Variants in COG5 observed in about 807,000 individuals in gnomAD.
COG5 encodes component of oligomeric golgi complex 5, also known as conserved oligomeric Golgi complex subunit 5.
COG5 carries 86 observed loss-of-function variants against 110.4 expected under a neutral mutation model. The ratio of observed to expected loss-of-function variants is 0.78; its 90% CI spans 0.65 to 0.93. COG5 has a LOEUF of 0.93. Ranked by LOEUF, COG5 falls within the 40% of genes least tolerant of loss-of-function variation. The probability of loss-of-function intolerance (pLI) is 0.00; values close to 1 mark genes in which losing one functional copy is unlikely to be tolerated. For synonymous variants in COG5, 360 were observed against 334.6 expected (o/e 1.08, Z -0.83); for missense variants, 1,077 against 987.0 (o/e 1.09, Z -1.22).
intron 10 of COG5, among the ~76,000 whole-genome samples, chr7:107,329,723 G>A (rs996495399): frequency 8.0e-5 from 12 of 149,242 alleles, no homozygotes; most frequent in South Asian, 2.1e-4. Context: ...GACCCCCCCC[G>A]TTTCTACACA....
intron 19 of COG5, among the ~76,000 whole-genome samples, chr7:107,230,172 C>T (rs571861055): frequency 6.8e-4 from 104 of 152,130 alleles, no homozygotes; most frequent in African/African-American, 2.5e-3. Flanking sequence ...TCTTTTAATA[C>T]TTCATTCAAT....
intron 6 of COG5, among the ~76,000 whole-genome samples, chr7:107,486,509 C>G (rs1328359114): frequency 6.6e-6 from 1 of 151,902 alleles, no homozygotes; most frequent in Non-Finnish European, 1.5e-5. Flanking sequence ...CTCAAAGACA[C>G]AGTCTTGGAA....
chr7:107,506,448 G>C (rs1435265830), intron 6 of COG5, among the ~76,000 whole-genome samples: 1 of 152,166 alleles, frequency 6.6e-6, no homozygotes, highest in Non-Finnish European at 1.5e-5. Flanking sequence ...TCCACAAGTG[G>C]GGCAAGCAGC....
At chr7:107,239,997 T>G (rs183005415) in intron 17 of COG5, among the ~76,000 whole-genome samples, 3 of 152,352 alleles carry the variant, frequency 2.0e-5, no homozygotes, top group Non-Finnish European at 4.4e-5. Context: ...TCTATCACTT[T>G]AATAATGTAG....
intron 1 of COG5, chr7:107,563,437 A>C: frequency 2.7e-6 from 1 of 371,322 alleles, no homozygotes; most frequent in Non-Finnish European, 5.2e-6. Context: ...ACACTTTTGA[A>C]GAGCTCGAAC....
chr7:107,525,661 T>C (rs1191302217), intron 6 of COG5, among the ~76,000 whole-genome samples: 1 of 152,060 alleles, frequency 6.6e-6, no homozygotes, highest in Admixed American at 6.6e-5. Context: ...CGAGTGATCC[T>C]CCCATCTCAG....
intron 5 of COG5, among the ~76,000 whole-genome samples, chr7:107,532,528 CA>C (rs1203623624): frequency 6.6e-6 from 1 of 152,038 alleles, no homozygotes; most frequent in Non-Finnish European, 1.5e-5. Context: ...TACATATGCA[CA>C]AATATATATA....
At chr7:107,468,192 T>C (rs1210461106) in intron 6 of COG5, among the ~76,000 whole-genome samples, 4 of 152,182 alleles carry the variant, frequency 2.6e-5, no homozygotes, top group African/African-American at 7.2e-5. Context: ...GTTTTAACAT[T>C]GACTCTGCTG....
At chr7:107,493,577 C>T (rs1483479147) in intron 6 of COG5, among the ~76,000 whole-genome samples, 1 of 152,162 alleles carries the variant, frequency 6.6e-6, no homozygotes, top group Non-Finnish European at 1.5e-5. Flanking sequence ...TCTCTCTTTG[C>T]TTAACTGCCT....
chr7:107,561,360 G>A (rs1289733889), intron 1 of COG5, among the ~76,000 whole-genome samples: 3 of 152,168 alleles, frequency 2.0e-5, no homozygotes, highest in African/African-American at 4.8e-5. Flanking sequence ...GGAATGTTGG[G>A]GGTGGAGGGG....
chr7:107,248,339 T>C (rs2116548891), intron 17 of COG5, 57 bp downstream of exon 17: 2 of 1,062,916 alleles, frequency 1.9e-6, no homozygotes, highest in Non-Finnish European at 2.9e-6. Context: ...AGCATAGAGG[T>C]GGGAATACAA....
At chr7:107,328,850 T>A (rs1422192400) in intron 10 of COG5, among the ~76,000 whole-genome samples, 1 of 152,188 alleles carries the variant, frequency 6.6e-6, no homozygotes, top group Admixed American at 6.5e-5. Flanking sequence ...AGACGGAGTC[T>A]CGCTCTGTCG....
intron 14 of COG5, among the ~76,000 whole-genome samples, chr7:107,269,281 C>G (rs1484884550): frequency 6.6e-6 from 1 of 152,190 alleles, no homozygotes; most frequent in East Asian, 1.9e-4. Context: ...TGAGACCATC[C>G]TGGCTAACTC....
chr7:107,319,496 T>C (rs150799766), intron 11 of COG5, among the ~76,000 whole-genome samples: 22 of 152,294 alleles, frequency 1.4e-4, no homozygotes, highest in African/African-American at 5.3e-4. Flanking sequence ...TGTCTGGAAA[T>C]TGCCAGGTAG....
At chr7:107,347,433 T>C (rs185826252) in intron 10 of COG5, among the ~76,000 whole-genome samples, 109 of 152,336 alleles carry the variant, frequency 7.2e-4, no homozygotes, top group African/African-American at 2.5e-3. Context: ...TCATAGATTA[T>C]TTTGATTTTA....
Position 107,203,553 on chromosome 7 carries a change from A to C in COG5, c.2453T>G (p.Val818Gly). The change falls in exon 22 of 22, where the codon GTT becomes GGT. Residue 818 changes from valine to glycine, a missense_variant. Physicochemically the swap from Val to Gly is moderately radical, Grantham distance 109. Transcript: ENST00000297135. ...AGACATAGCCTTTTGAAGCAGCTGA[A>C]CCATTATGGGATAAACTGGTGCAAA... is the stretch of plus-strand genomic sequence containing the variant. ...KEFAPVYPIM[V>G]QLLQKAMSAL... is the part of the protein sequence containing the mutation. 6.2e-7 allele frequency: 1 copy of C among 1,613,966 alleles called. No individual in the cohort carries two copies.
chr7:107,220,648 C>A (rs1489794207), intron 19 of COG5, among the ~76,000 whole-genome samples: 2 of 152,186 alleles, frequency 1.3e-5, no homozygotes. Flanking sequence ...GCCCATGATT[C>A]TAACCTGCTC....
At chr7:107,256,956 T>C (rs1226247659) in intron 15 of COG5, among the ~76,000 whole-genome samples, 162 bp from the exon 16 acceptor site, 2 of 152,154 alleles carry the variant, frequency 1.3e-5, no homozygotes, top group Admixed American at 6.5e-5. Flanking sequence ...TCAGTATTTA[T>C]TAAGATAGGT....
intron 1 of COG5, 184 bp downstream of exon 1, chr7:107,563,619 G>A (rs1804179438): frequency 2.9e-6 from 2 of 692,810 alleles, no homozygotes; most frequent in South Asian, 1.6e-5. Flanking sequence ...AAAAGAGGGA[G>A]CCAGTCCCAG....
Sources: allele counts gnomAD v4.1 joint callset (sites outside exome capture counted in the v4.1 genomes callset), GRCh38; gene constraint gnomAD v4.1.1; transcripts MANE v1.5; gene names NCBI Gene and HGNC (gene_info 2026-07-23, HGNC 2026-07-21).